Variants in PRKG1 observed in about 807,000 individuals in gnomAD.
PRKG1 encodes cGMP-dependent protein kinase 1.
In PRKG1, 35 loss-of-function variants were observed where a neutral mutation model predicts 88.1. The ratio of observed to expected loss-of-function variants is 0.40; its 90% confidence interval spans 0.30 to 0.53. The LOEUF (loss-of-function observed/expected upper bound fraction) is 0.53, where lower values mean the gene tolerates loss of function less well. Among genes scored for constraint, PRKG1 ranks in the 20% least tolerant of loss-of-function variants. The pLI, the probability that PRKG1 is intolerant of heterozygous loss-of-function variation, is 0.59. For missense variants in PRKG1, 540 were observed against 839.8 expected (o/e 0.64, Z 4.41); for synonymous variants, 303 against 292.5 (o/e 1.04, Z -0.37).
intron 2 of PRKG1, among the ~76,000 whole-genome samples, chr10:51,275,498 G>A (rs781742916): frequency 6.2e-4 from 94 of 152,144 alleles, no homozygotes; most frequent in Non-Finnish European, 1.0e-3. Flanking sequence ...GGTGCAAAGG[G>A]AGTGCGTTTA....
chr10:52,234,005 C>T (rs1840606605), intron 9 of PRKG1, among the ~76,000 whole-genome samples: 2 of 151,888 alleles, frequency 1.3e-5, no homozygotes, highest in East Asian at 2.0e-4. Context: ...GGTCCCTGAC[C>T]CCTGACCCCC....
intron 3 of PRKG1, among the ~76,000 whole-genome samples, chr10:51,773,253 T>G (rs1483524635): frequency 6.6e-6 from 1 of 152,130 alleles, no homozygotes; most frequent in Admixed American, 6.6e-5. Context: ...TATTGATTTG[T>G]ATTATACCAG....
intron 2 of PRKG1, among the ~76,000 whole-genome samples, chr10:51,338,943 C>T (rs1466541567): frequency 6.6e-6 from 1 of 152,102 alleles, no homozygotes; most frequent in Non-Finnish European, 1.5e-5. Context: ...ATATGATTGC[C>T]TTAAGAAATG....
At position 52,271,683 on chromosome 10, in the gene PRKG1, T is replaced by C. The variant is rs1194516; in HGVS notation, c.1313+194T>C. 0.9 allele frequency among the ~76,000 whole-genome samples: 137,182 copies of C among 152,140 alleles called. 62,279 individuals carry two copies. Among genetic ancestry groups the C allele is most frequent in the East Asian group, 1 (5,163 of 5,166 alleles). ...CTCTATTCTTTCTTTTAAAGAGAAT[T>C]AGTGTCTGAAAACAATGTGTTTTCC... On this transcript the variant is annotated intron_variant, in intron 11 of 17. Transcript: ENST00000373980.
upstream of PRKG1, among the ~76,000 whole-genome samples, chr10:51,073,929 C>A (rs151231843): frequency 8.4e-3 from 1,281 of 152,232 alleles, 23 homozygotes; most frequent in African/African-American, 0.029. Context: ...TGAGGCCGGC[C>A]GTCAAAATAC....
chr10:51,794,130 G>A (rs771259412), intron 3 of PRKG1, among the ~76,000 whole-genome samples: 9 of 151,970 alleles, frequency 5.9e-5, no homozygotes, highest in Non-Finnish European at 8.8e-5. Flanking sequence ...AATGATAATG[G>A]GATCAACCCA....
At chr10:51,809,367 TGCCA>T (rs1320471866) in intron 4 of PRKG1, among the ~76,000 whole-genome samples, 1 of 152,196 alleles carries the variant, frequency 6.6e-6, no homozygotes, top group East Asian at 1.9e-4. Context: ...TTTTGCCAGT[TGCCA>T]GCATTTTCTG....
At chr10:51,440,987 A>G (rs1319153040) in intron 2 of PRKG1, among the ~76,000 whole-genome samples, 2 of 152,032 alleles carry the variant, frequency 1.3e-5, no homozygotes, top group Non-Finnish European at 2.9e-5. Flanking sequence ...AAACATTAAA[A>G]TCTTTTGAAG....
At chr10:51,183,482 T>C (rs1366133762) in intron 2 of PRKG1, among the ~76,000 whole-genome samples, 1 of 152,214 alleles carries the variant, frequency 6.6e-6, no homozygotes, top group Admixed American at 6.5e-5. Context: ...TTTCTGCATA[T>C]TATAATAGCT....
intron 10 of PRKG1, among the ~76,000 whole-genome samples, chr10:52,269,547 T>A (rs1564539422): frequency 6.6e-6 from 1 of 152,076 alleles, no homozygotes; most frequent in African/African-American, 2.4e-5. Flanking sequence ...AATCTGTACA[T>A]GTGTGCAGGA....
At chr10:51,103,295 G>A (rs1844732425) in intron 1 of PRKG1, among the ~76,000 whole-genome samples, 1 of 152,162 alleles carries the variant, frequency 6.6e-6, no homozygotes, top group Non-Finnish European at 1.5e-5. Flanking sequence ...GCCCAACATA[G>A]TGATGAATTA....
rs1281111050 is a variant in PRKG1 at position 51,553,909 on chromosome 10, A to G, written c.592+86073A>G. 7.6e-5 allele frequency among the ~76,000 whole-genome samples: 10 copies of G among 131,426 alleles called. 1 individual carries two copies. Among genetic ancestry groups the G allele is most frequent in the African/African-American group, 2.6e-4 (9 of 34,000 alleles). The allele number at this position is 131,426 out of a possible 152,430, so 86.2% of individuals were successfully genotyped here. A position where few individuals can be genotyped will look rare whatever the true frequency, so the allele number is the denominator to read the frequency against. On this transcript the variant is annotated intron_variant, in intron 3 of 17. Coordinates refer to ENST00000373980, the MANE Select transcript of PRKG1 (RefSeq NM_006258.4). ...TGTATATAATATATGTATGTATTAGATACGTGTATATAATATATGTATGTA... is the reference window on the plus strand; with the variant it reads ...TGTATATAATATATGTATGTATTAGGTACGTGTATATAATATATGTATGTA...
At chr10:52,221,765 A>G (rs1840251887) in intron 9 of PRKG1, among the ~76,000 whole-genome samples, 2 of 152,236 alleles carry the variant, frequency 1.3e-5, no homozygotes, top group Non-Finnish European at 2.9e-5. Flanking sequence ...TGTGTGCTAC[A>G]GGCTTAATAT....
At chr10:51,531,104 A>C (rs907146704) in intron 3 of PRKG1, among the ~76,000 whole-genome samples, 2 of 152,218 alleles carry the variant, frequency 1.3e-5, no homozygotes, top group Admixed American at 6.5e-5. Context: ...AATGGTTTTC[A>C]ATTTTACTCC....
chr10:52,264,889 A>T (rs562264362), intron 10 of PRKG1, among the ~76,000 whole-genome samples: 2 of 152,070 alleles, frequency 1.3e-5, no homozygotes, highest in African/African-American at 4.8e-5. Context: ...GAATATGAAC[A>T]TAAATGTAAA....
chr10:52,272,017 A>G (rs1841742121), intron 11 of PRKG1, among the ~76,000 whole-genome samples: 1 of 152,076 alleles, frequency 6.6e-6, no homozygotes, highest in African/African-American at 2.4e-5. Context: ...AAATTTATAC[A>G]TGTCTGAATC....
At chr10:51,419,207 A>T (rs1253027186) in intron 2 of PRKG1, among the ~76,000 whole-genome samples, 1 of 152,162 alleles carries the variant, frequency 6.6e-6, no homozygotes, top group Non-Finnish European at 1.5e-5. Context: ...TATGAGAAAT[A>T]ATTTATTTTA....
At chr10:51,782,687 G>A (rs1256658852) in intron 3 of PRKG1, among the ~76,000 whole-genome samples, 1 of 152,096 alleles carries the variant, frequency 6.6e-6, no homozygotes, top group Admixed American at 6.6e-5. Context: ...TCATGGTAGT[G>A]AATAAGTCTC....
chr10:52,173,303 G>A (rs902957946), intron 9 of PRKG1, among the ~76,000 whole-genome samples: 2 of 152,042 alleles, frequency 1.3e-5, no homozygotes, highest in Admixed American at 6.6e-5. Context: ...TTTAGAAAAA[G>A]CATTTTCATT....
Sources: allele counts gnomAD v4.1 joint callset (sites outside exome capture counted in the v4.1 genomes callset), GRCh38; gene constraint gnomAD v4.1.1; transcripts MANE v1.5; gene names NCBI Gene and HGNC (gene_info 2026-07-23, HGNC 2026-07-21).